SLC5A10: variants seen among roughly 807,000 people sequenced by gnomAD.
The protein encoded by SLC5A10 is sodium/mannose cotransporter SLC5A10.
In SLC5A10, 55 loss-of-function variants were observed where a neutral mutation model predicts 68.9. The observed-to-expected ratio is 0.80, with a 90% CI of 0.64 to 1.00. The LOEUF (loss-of-function observed/expected upper bound fraction) is 1.00, where lower values mean the gene tolerates loss of function less well. SLC5A10 is among the 50% of genes least tolerant of loss of function. The pLI is 0.00. For missense variants in SLC5A10, 732 were observed against 819.3 expected, an observed-to-expected ratio of 0.89 and a Z score of 1.30; for synonymous variants, 344 against 344.8, an observed-to-expected ratio of 1.00 and a Z score of 0.02.
At chr17:18,958,531 A>C (rs993174089) in intron 1 of SLC5A10, 151 bp from the exon 2 acceptor site, 1 of 601,838 alleles carries the variant, frequency 1.7e-6, no homozygotes, top group Admixed American at 2.9e-5. Context: ...TGTGTTTTCA[A>C]TTCTTTTGGA....
chr17:18,975,901 C>G (rs775982649), intron 8 of SLC5A10: 2 of 151,728 alleles, frequency 1.3e-5, no homozygotes, highest in Non-Finnish European at 2.9e-5. Context: ...AAAAGTAACT[C>G]TTTTGGGCTG....
rs1199282781 is a variant in SLC5A10 at position 18,968,086 on chromosome 17, T to G, written c.454-966T>G. 1.3e-5 allele frequency among the ~76,000 whole-genome samples: 2 copies of G among 152,092 alleles called. No homozygotes were observed. Among genetic ancestry groups the G allele is most frequent in the Admixed American group, 1.3e-4 (2 of 15,280 alleles). On this transcript the variant is annotated intron_variant, in intron 5 of 14. Coordinates refer to ENST00000395645, the MANE Select transcript of SLC5A10 (RefSeq NM_001042450.4). The surrounding 1 kb of genome is among the most constrained non-coding windows in gnomAD (Gnocchi z 4.1). ...GCCAGATCCCATCCTGCCTGGGCCC[T>G]GTGTCAGACCCCAGGAGGCAGGGAT...
chr17:18,977,785 G>A (rs1052398432), intron 9 of SLC5A10: 11 of 1,602,482 alleles, frequency 6.9e-6, no homozygotes, highest in Admixed American at 3.4e-5. Context: ...TCCGGAGAGG[G>A]ACTGAGTGCT....
intron 3 of SLC5A10, 121 bp from the exon 4 acceptor site, chr17:18,959,483 G>A (rs765521472): frequency 4.7e-5 from 54 of 1,145,722 alleles, no homozygotes; most frequent in Middle Eastern, 2.7e-4. Flanking sequence ...CTCATGGCAA[G>A]TCAGGAGGGG....
chr17:18,995,911 TA>T (rs555014135), intron 9 of SLC5A10, among the ~76,000 whole-genome samples: 8,927 of 125,110 alleles, frequency 0.071, 793 homozygotes, highest in African/African-American at 0.22. Flanking sequence ...CTGTCTCAAT[TA>T]AAAAAAAAAA....
chr17:18,950,821 T>G (rs898037865), upstream of SLC5A10: 13 of 355,282 alleles, frequency 3.7e-5, no homozygotes, highest in African/African-American at 2.7e-4. Flanking sequence ...GTTCAAGCAA[T>G]TCTCCTGCCT....
intron 9 of SLC5A10, among the ~76,000 whole-genome samples, chr17:18,992,080 G>A (rs1185715118): frequency 6.6e-6 from 1 of 152,124 alleles, no homozygotes; most frequent in Non-Finnish European, 1.5e-5. Context: ...CTCTCCCTGG[G>A]GGCTCCTGGT....
In SLC5A10 at chr17:18,977,945, T is replaced by C. The variant is rs758156745; in HGVS notation, c.982+956T>C. 107 of 1,605,184 alleles carry C rather than the reference T, an allele frequency of 6.7e-5. No homozygotes were observed. The highest frequency in any genetic ancestry group is 5.1e-4 in the East Asian group (23 of 44,680). On this transcript the variant is annotated intron_variant, in intron 9 of 14. Coordinates refer to ENST00000395645, the MANE Select transcript of SLC5A10 (RefSeq NM_001042450.4). ...TTCTTCTTCCACCCCATCCAGCCCA[T>C]TGGGGAGCCCCACCCCGAGGCTCTC...
intron 11 of SLC5A10, among the ~76,000 whole-genome samples, chr17:19,016,929 G>A (rs1330674854): frequency 6.6e-6 from 1 of 152,142 alleles, no homozygotes; most frequent in Non-Finnish European, 1.5e-5. Context: ...GACACTGGTA[G>A]CCCCTGTACC....
At chr17:18,961,777 T>C (rs1022299150) in intron 5 of SLC5A10, among the ~76,000 whole-genome samples, 5 of 152,018 alleles carry the variant, frequency 3.3e-5, no homozygotes, top group Non-Finnish European at 7.4e-5. Context: ...TCATGCAGCA[T>C]CTGACCCGCC....
intron 1 of SLC5A10, among the ~76,000 whole-genome samples, chr17:18,957,241 C>T (rs1014699847): frequency 6.6e-6 from 1 of 152,070 alleles, no homozygotes; most frequent in Non-Finnish European, 1.5e-5. Flanking sequence ...AGTAACTTGC[C>T]CCAGGTAACA....
At chr17:18,952,010 T>A (rs575229285), upstream of SLC5A10, 14 of 820,208 alleles carry the variant, frequency 1.7e-5, no homozygotes, top group Non-Finnish European at 2.5e-5. Flanking sequence ...CGCTCTGGGA[T>A]CTGCACCCCA....
intron 9 of SLC5A10, among the ~76,000 whole-genome samples, chr17:19,009,748 G>A (rs561228531): frequency 2.3e-3 from 350 of 152,222 alleles, no homozygotes; most frequent in African/African-American, 8.3e-3. Flanking sequence ...AAGCACTGTT[G>A]AGACCCAGAC....
At chr17:18,961,493 T>C (rs373466400) in intron 5 of SLC5A10, among the ~76,000 whole-genome samples, 247 of 152,132 alleles carry the variant, frequency 1.6e-3, no homozygotes, top group African/African-American at 5.9e-3. Flanking sequence ...GTGGTAGCAA[T>C]GGGCAGGACC....
At position 18,959,122 on chromosome 17, in the gene SLC5A10, TTCTC is replaced by T; in HGVS notation, c.184-10_184-7del. 6.2e-7 allele frequency: 1 copy of T among 1,604,842 alleles called. No individual in the cohort carries two copies. Among genetic ancestry groups the T allele is most frequent in the South Asian group, 1.1e-5 (1 of 90,868 alleles). Reference sequence around the variant, plus strand: ...GAGCCTGCTGCTGATGCGTTTCCCTTTCTCTCCTCCAGATTGGAGCCTCCCTCTT... The same window carrying T: ...GAGCCTGCTGCTGATGCGTTTCCCTTTCCTCCAGATTGGAGCCTCCCTCTT... On this transcript the variant is annotated splice_polypyrimidine_tract_variant and intron_variant, in intron 2 of 14. Transcript: ENST00000395645.
chr17:18,976,830 C>G (rs772217660), intron 8 of SLC5A10, 24 bp from the exon 9 acceptor site: 5 of 1,611,650 alleles, frequency 3.1e-6, no homozygotes, highest in Non-Finnish European at 3.4e-6. Context: ...CTTGGACTCA[C>G]CCCGTCTCGC....
Position 18,971,089 on chromosome 17 carries a change from C to CACCACCT in SLC5A10, c.718_724dup (p.Cys242TyrfsTer90). On this transcript the variant is annotated frameshift_variant, in exon 8 of 15. Coordinates refer to ENST00000395645, the MANE Select transcript of SLC5A10 (RefSeq NM_001042450.4). LOFTEE classifies it high-confidence loss of function. The surrounding 1 kb of genome is among the most constrained non-coding windows in gnomAD (Gnocchi z 5.5). ...CCATTCCCTCCAGGACCATTGCCAA[C>CACCACCT]ACCACCTGCCACCTGCCACGTACAG... 1.9e-6 allele frequency: 3 copies of CACCACCT among 1,614,134 alleles called. No individual in the cohort carries two copies. The highest frequency in any genetic ancestry group is 2.5e-6 in the Non-Finnish European group (3 of 1,180,040).
chr17:18,981,129 G>C (rs1192321058), intron 9 of SLC5A10, among the ~76,000 whole-genome samples: 1 of 152,216 alleles, frequency 6.6e-6, no homozygotes, highest in Non-Finnish European at 1.5e-5. Context: ...GGAGGTGAAG[G>C]GGAGGCTGAG....
intron 7 of SLC5A10, chr17:18,970,536 G>C (rs3751970): frequency 0.077 from 13,206 of 172,494 alleles, 779 homozygotes; most frequent in South Asian, 0.28. Flanking sequence ...TGTGCCTCAG[G>C]GGGTGGGGCC....
Sources: gnomAD v4.1 joint callset for allele counts (sites outside exome capture counted in the v4.1 genomes callset) on GRCh38, gnomAD v4.1.1 for gene constraint, Gnocchi (gnomAD v3.1) non-coding constraint, MANE v1.5 for transcripts, NCBI Gene and HGNC (gene_info 2026-07-23, HGNC 2026-07-21) for gene names.